The following MEGF11 variants were observed in gnomAD, a reference collection of about 807,000 sequenced individuals.
The protein encoded by MEGF11 is multiple EGF like domains 11.
Under a neutral mutation model 146.6 loss-of-function variants are expected in MEGF11, and 126 were observed. That is an observed-to-expected ratio of 0.86 (90% CI 0.74 to 1.00). The LOEUF (loss-of-function observed/expected upper bound fraction) is 1.00. Among genes scored for constraint, MEGF11 ranks in the 50% least tolerant of loss-of-function variants. MEGF11 has a pLI of 0.00. For synonymous variants in MEGF11, 532 were observed against 583.4 expected (o/e 0.91, Z 1.27); for missense variants, 1,509 against 1,521.2 (o/e 0.99, Z 0.13).
rs920307884 is a variant in MEGF11 at position 66,081,460 on chromosome 15, C to A, written c.394+12942G>T. The stretch of plus-strand genomic sequence containing the variant: ...ATGGCACGATCTCGGCTCACTGCAA[C>A]CTCCGCCTCCCGGGTTCAAGCTATT... On this transcript the variant is annotated intron_variant, in intron 5 of 25. Coordinates refer to ENST00000395614, the MANE Select transcript of MEGF11 (RefSeq NM_001385028.1). 3.3e-5 allele frequency among the ~76,000 whole-genome samples: 5 copies of A among 152,196 alleles called. No individual in the cohort carries two copies. The East Asian group carries it at 9.6e-4, about 29-fold the overall frequency.
At chr15:66,143,370 T>G (rs1477257381) in intron 1 of MEGF11, among the ~76,000 whole-genome samples, 1 of 152,148 alleles carries the variant, frequency 6.6e-6, no homozygotes, top group Non-Finnish European at 1.5e-5. Context: ...GGACAGGGGA[T>G]GAGATTCCCT....
chr15:66,166,180 T>C (rs527522973), intron 1 of MEGF11, among the ~76,000 whole-genome samples: 16 of 152,108 alleles, frequency 1.1e-4, no homozygotes, highest in Admixed American at 9.8e-4. Context: ...AGGAACAAAA[T>C]AGAACTCTGT....
chr15:65,926,004 G>T (rs1371163229), intron 13 of MEGF11, among the ~76,000 whole-genome samples: 1 of 152,194 alleles, frequency 6.6e-6, no homozygotes, highest in Non-Finnish European at 1.5e-5. Context: ...TTCTGACTTT[G>T]CTTACCTAGG....
chr15:65,974,067 C>T (rs2081376754), intron 7 of MEGF11, among the ~76,000 whole-genome samples: 1 of 152,168 alleles, frequency 6.6e-6, no homozygotes, highest in Admixed American at 6.5e-5. Context: ...CAAGGATGTT[C>T]CTCCAATTAA....
chr15:65,941,371 C>G (rs2079985670), intron 10 of MEGF11, among the ~76,000 whole-genome samples: 1 of 152,086 alleles, frequency 6.6e-6, no homozygotes, highest in African/African-American at 2.4e-5. Flanking sequence ...CAGCTTAAAC[C>G]CGGGAGGCGG....
intron 1 of MEGF11, among the ~76,000 whole-genome samples, chr15:66,152,109 C>T (rs917922711): frequency 1.3e-5 from 2 of 152,202 alleles, no homozygotes; most frequent in African/African-American, 4.8e-5. Flanking sequence ...ACCTTGCCCA[C>T]CTGCTCTTCC....
At position 65,922,446 on chromosome 15, in the gene MEGF11, C is replaced by T. The variant is rs777394739; in HGVS notation, c.1849G>A (p.Gly617Ser). The T allele has an allele frequency of 1.7e-5, 27 of 1,581,026 alleles. No homozygotes were observed. Among genetic ancestry groups the T allele is most frequent in the Middle Eastern group, 1.7e-4 (1 of 6,012 alleles). ...CAGAGGGGGCATGGCTGGGCGCAGC[C>T]GTGGCCATAGAACCCAGGGGGGCAG... ...RICPPGFYGH[G>S]CAQPCPLCVH... Residue 617 changes from glycine (G) to serine (S), a missense_variant, in exon 15 of 26, where the codon GGC becomes AGC. Physicochemically the swap from Gly to Ser is moderately conservative, Grantham distance 56. Transcript: ENST00000395614.
At chr15:65,918,158 G>A (rs1202504881) in intron 15 of MEGF11, 64 bp from the exon 16 acceptor site, 1 of 1,600,316 alleles carries the variant, frequency 6.2e-7, no homozygotes, top group Admixed American at 1.7e-5. Flanking sequence ...TCCACCCACA[G>A]CCTCATCCCT....
intron 10 of MEGF11, among the ~76,000 whole-genome samples, chr15:65,935,180 C>T (rs71409149): frequency 9.9e-5 from 15 of 151,850 alleles, no homozygotes; most frequent in African/African-American, 1.7e-4. Flanking sequence ...ATTAGCTGGG[C>T]GTGGTGGTGC....
intron 8 of MEGF11, among the ~76,000 whole-genome samples, chr15:65,967,475 G>A (rs2081144834): frequency 1.3e-5 from 2 of 152,318 alleles, no homozygotes; most frequent in South Asian, 4.1e-4. Context: ...TCTTTATTAT[G>A]TATTTTGGAG....
chr15:65,965,600 C>CTTTTTTTTTTTT (rs767520450), intron 8 of MEGF11, among the ~76,000 whole-genome samples: 2 of 18,878 alleles, frequency 1.1e-4, no homozygotes, highest in African/African-American at 2.2e-4. Flanking sequence ...TTCTTTCTTT[C>CTTTTTTTTTTTT]TTTTTTTTTT....
rs368136830 is a variant in MEGF11 at position 66,123,942 on chromosome 15, G to A, written c.157C>T (p.Arg53Ter). The A allele has an allele frequency of 8.7e-6, 14 of 1,613,852 alleles. No homozygotes were observed. The highest frequency in any genetic ancestry group is 6.7e-5 in the Admixed American group (4 of 59,994). The change falls in exon 3 of 26, where the codon CGA becomes TGA. Residue 53 changes from arginine (R) to a stop codon, truncating the protein, a stop_gained. Coordinates refer to ENST00000395614, the MANE Select transcript of MEGF11 (RefSeq NM_001385028.1). LOFTEE classifies it high-confidence loss of function. ...AACCAGTTGAGGATGTCTGTGCATCGTGTGTAATAGATCTGATCGAAGGGG... is the reference window on the plus strand; with the variant it reads ...AACCAGTTGAGGATGTCTGTGCATCATGTGTAATAGATCTGATCGAAGGGG... ...AHPFDQIYYT[R>*]CTDILNWFKC...
At chr15:66,014,526 C>T (rs2140131509) in intron 5 of MEGF11, among the ~76,000 whole-genome samples, 1 of 152,296 alleles carries the variant, frequency 6.6e-6, no homozygotes, top group Non-Finnish European at 1.5e-5. Flanking sequence ...CTCAGAAAGA[C>T]CACTTGTAAA....
chr15:65,929,680 A>T (rs748162140), intron 12 of MEGF11, 40 bp downstream of exon 12: 28 of 1,536,440 alleles, frequency 1.8e-5, no homozygotes, highest in Non-Finnish European at 2.5e-5. Context: ...GCGTGAGGGG[A>T]TGCGGAGCCC....
At chr15:66,230,772 T>C (rs2091952180) in intron 1 of MEGF11, among the ~76,000 whole-genome samples, 1 of 152,190 alleles carries the variant, frequency 6.6e-6, no homozygotes, top group South Asian at 2.1e-4. Context: ...GTCTCCAAAA[T>C]TTTTCATTGT....
At chr15:66,103,671 G>A (rs1056365708) in intron 4 of MEGF11, among the ~76,000 whole-genome samples, 1 of 152,142 alleles carries the variant, frequency 6.6e-6, no homozygotes, top group African/African-American at 2.4e-5. Flanking sequence ...GTGGTCAGGG[G>A]CTGGTGAGGA....
At chr15:66,110,999 G>C (rs547714955) in intron 4 of MEGF11, among the ~76,000 whole-genome samples, 20 of 152,048 alleles carry the variant, frequency 1.3e-4, no homozygotes, top group Non-Finnish European at 2.4e-4. Flanking sequence ...TCTGGCCACA[G>C]GTTTCTCCTA....
intron 1 of MEGF11, among the ~76,000 whole-genome samples, chr15:66,245,795 G>C (rs1466408867): frequency 6.6e-6 from 1 of 152,064 alleles, no homozygotes; most frequent in Non-Finnish European, 1.5e-5. Flanking sequence ...CCCATTTACA[G>C]AGCCCCCATA....
At chr15:66,116,071 T>C (rs1322390326) in intron 4 of MEGF11, among the ~76,000 whole-genome samples, 1 of 152,056 alleles carries the variant, frequency 6.6e-6, no homozygotes, top group African/African-American at 2.4e-5. Context: ...CCCTCTGGGG[T>C]CTGGCCAGCC....
Sources: allele counts gnomAD v4.1 joint callset (sites outside exome capture counted in the v4.1 genomes callset), GRCh38; gene constraint gnomAD v4.1.1; transcripts MANE v1.5; gene names NCBI Gene and HGNC (gene_info 2026-07-23, HGNC 2026-07-21).